The following C3orf70 variants were observed in gnomAD, a reference collection of about 807,000 sequenced individuals.
The protein encoded by C3orf70 is UPF0524 protein C3orf70.
A neutral mutation model predicts 20.7 loss-of-function variants in C3orf70; 15 were observed. The ratio of observed to expected loss-of-function variants is 0.72; its 90% CI spans 0.48 to 1.11. The LOEUF is 1.11. C3orf70 is among the 50% of genes most tolerant of loss of function. The probability of loss-of-function intolerance (pLI) is 0.00; values close to 1 mark genes in which losing one functional copy is unlikely to be tolerated. For missense variants in C3orf70, 332 were observed against 317.6 expected, an observed-to-expected ratio of 1.05 and a Z score of -0.34; for synonymous variants, 161 against 125.7, an observed-to-expected ratio of 1.28 and a Z score of -1.88.
chr3:185,125,427 AAC>A (rs1716390256), intron 1 of C3orf70, among the ~76,000 whole-genome samples: 3 of 134,164 alleles, frequency 2.2e-5, no homozygotes, highest in Non-Finnish European at 3.4e-5. Flanking sequence ...CAACAACAAC[AAC>A]AAAAACCAGT....
chr3:185,114,977 C>T (rs750065555), intron 1 of C3orf70, among the ~76,000 whole-genome samples: 49 of 152,332 alleles, frequency 3.2e-4, no homozygotes, highest in Admixed American at 6.5e-4. Flanking sequence ...TTCACTCAAA[C>T]GCTCTGGTTT....
At chr3:185,148,371 T>C (rs1403400065) in intron 1 of C3orf70, among the ~76,000 whole-genome samples, 1 of 152,224 alleles carries the variant, frequency 6.6e-6, no homozygotes, top group Non-Finnish European at 1.5e-5. Context: ...TGTTAGTGAA[T>C]GGCACCACCA....
At chr3:185,125,759 A>G (rs1415233985) in intron 1 of C3orf70, among the ~76,000 whole-genome samples, 10 of 152,234 alleles carry the variant, frequency 6.6e-5, no homozygotes, top group Non-Finnish European at 1.3e-4. Context: ...GATTCCATTT[A>G]TATAACATCC....
At chr3:185,146,351 G>T (rs35841237) in intron 1 of C3orf70, among the ~76,000 whole-genome samples, 2 of 134,370 alleles carry the variant, frequency 1.5e-5, no homozygotes, top group Non-Finnish European at 3.0e-5. Context: ...GCAATGGCGC[G>T]ATCTTGGCTC....
chr3:185,124,853 T>C (rs1157279529), intron 1 of C3orf70, among the ~76,000 whole-genome samples: 3 of 152,048 alleles, frequency 2.0e-5, no homozygotes, highest in African/African-American at 4.8e-5. Flanking sequence ...GAGCAAACAA[T>C]TTGAACAGAT....
chr3:185,107,173 C>T (rs893283179), intron 1 of C3orf70, among the ~76,000 whole-genome samples: 7 of 152,182 alleles, frequency 4.6e-5, no homozygotes, highest in African/African-American at 1.7e-4. Flanking sequence ...TGGCCGTCCA[C>T]GTGGCCAATT....
chr3:185,090,954 A>T (rs1330138124), intron 1 of C3orf70, among the ~76,000 whole-genome samples: 2 of 152,166 alleles, frequency 1.3e-5, no homozygotes, highest in East Asian at 3.9e-4. Context: ...GTGTGGCGGA[A>T]CATATTGTAA....
chr3:185,083,012 C>T lies in C3orf70; in HGVS notation c.748G>A (p.Val250Met), dbSNP rs1293998693. ...GTGGCTTCCTGTCTGGACTCTCACA[C>T]AGTCGTTTCTATCGTTTCAATCACT... ...LEVIETIETT[V>M] is the part of the protein sequence containing the mutation. Residue 250 changes from valine to methionine, a missense_variant, in exon 2 of 2, where the codon GTG becomes ATG. Val to Met is a conservative substitution (Grantham distance 21). Coordinates refer to ENST00000335012, the MANE Select transcript of C3orf70 (RefSeq NM_001025266.3). The T allele has an allele frequency of 1.9e-6, 3 of 1,612,922 alleles. No homozygotes were observed. The highest frequency in any genetic ancestry group is 1.3e-5 in the African/African-American group (1 of 74,888).
At position 185,092,629 on chromosome 3, in the gene C3orf70, A is replaced by G. The variant is rs569275173; in HGVS notation, c.197-9066T>C. On this transcript the variant is annotated intron_variant, in intron 1 of 1. Transcript: ENST00000335012. ...CATACTTCAAATCTCACATGAAAAG[A>G]TATAAATGATTAAAACCAATAAAAG... Among the ~76,000 whole-genome samples the G allele has an allele frequency of 9.2e-5, 14 of 152,366 alleles. 1 individual carries two copies. Among genetic ancestry groups the G allele is most frequent in the African/African-American group, 3.4e-4 (14 of 41,584 alleles).
Position 185,137,280 on chromosome 3 carries a change from G to C in C3orf70, c.196+15348C>G, listed in dbSNP as rs548547163. Among the ~76,000 whole-genome samples the C allele has an allele frequency of 3.9e-5, 6 of 152,314 alleles. No individual in the cohort carries two copies. The South Asian group carries it at 1.2e-3, about 32-fold the overall frequency. On this transcript the variant is annotated intron_variant, in intron 1 of 1. Coordinates refer to ENST00000335012, the MANE Select transcript of C3orf70 (RefSeq NM_001025266.3). ...TGAGGCTTCCCAGCCACATGGAACT[G>C]TACATCCCATTAAACCTCTTTCTTT... is the stretch of plus-strand genomic sequence containing the variant.
intron 1 of C3orf70, among the ~76,000 whole-genome samples, chr3:185,122,338 G>A (rs114987060): frequency 2.0e-3 from 301 of 152,222 alleles, no homozygotes; most frequent in African/African-American, 7.1e-3. Context: ...CTCCATATCC[G>A]TGGGTTCTGT....
At chr3:185,135,385 C>G (rs972593726) in intron 1 of C3orf70, among the ~76,000 whole-genome samples, 5 of 152,164 alleles carry the variant, frequency 3.3e-5, no homozygotes, top group African/African-American at 1.2e-4. Context: ...TTTTGGGAGG[C>G]TGAGGCAGGC....
chr3:185,151,426 G>C lies in C3orf70; in HGVS notation c.196+1202C>G, dbSNP rs115682471. Among the ~76,000 whole-genome samples, 505 of 152,216 alleles carry C rather than the reference G, an allele frequency of 3.3e-3. 2 individuals are homozygous for C. Among genetic ancestry groups the C allele is most frequent in the African/African-American group, 0.012 (493 of 41,496 alleles). On this transcript the variant is annotated intron_variant, in intron 1 of 1. Coordinates refer to ENST00000335012, the MANE Select transcript of C3orf70 (RefSeq NM_001025266.3). ...ACTCGGTACCCTGTCCCACCGTGAAGCAATGCTTTATACTAACAAAAGAGA... is the reference window on the plus strand; with the variant it reads ...ACTCGGTACCCTGTCCCACCGTGAACCAATGCTTTATACTAACAAAAGAGA...
intron 1 of C3orf70, among the ~76,000 whole-genome samples, chr3:185,142,204 A>T (rs1294299071): frequency 6.6e-5 from 10 of 152,214 alleles, no homozygotes. Flanking sequence ...TCATGCCTGT[A>T]ATCCCTGCAC....
At position 185,146,345 on chromosome 3, in the gene C3orf70, T is replaced by C. The variant is rs1008012281; in HGVS notation, c.196+6283A>G. ...TCTTGTTGCCCAGGCTGGAGTGCAA[T>C]GGCGCGATCTTGGCTCGCTGCAACC... On this transcript the variant is annotated intron_variant, in intron 1 of 1. Coordinates refer to ENST00000335012, the MANE Select transcript of C3orf70 (RefSeq NM_001025266.3). 1.1e-3 allele frequency among the ~76,000 whole-genome samples: 145 copies of C among 133,382 alleles called. 1 individual carries two copies. Among genetic ancestry groups the C allele is most frequent in the South Asian group, 7.6e-4 (3 of 3,950 alleles). The allele number at this position is 133,382 out of a possible 152,430, so 87.5% of individuals were successfully genotyped here. A position where few individuals can be genotyped will look rare whatever the true frequency, so the allele number is the denominator to read the frequency against.
intron 1 of C3orf70, among the ~76,000 whole-genome samples, chr3:185,109,589 G>A (rs184876611): frequency 2.0e-5 from 3 of 152,182 alleles, no homozygotes; most frequent in African/African-American, 7.2e-5. Context: ...AGGAAAGGGG[G>A]ACAGTCAGTC....
At chr3:185,094,073 G>GTTTT (rs1402291285) in intron 1 of C3orf70, among the ~76,000 whole-genome samples, 4 of 112,828 alleles carry the variant, frequency 3.5e-5, no homozygotes, top group Admixed American at 1.1e-4. Flanking sequence ...TATACCCTGG[G>GTTTT]GTTTTTTTTT....
At chr3:185,107,361 C>A (rs1177258170) in intron 1 of C3orf70, among the ~76,000 whole-genome samples, 2 of 152,160 alleles carry the variant, frequency 1.3e-5, no homozygotes, top group East Asian at 3.9e-4. Flanking sequence ...AGCACAAGTT[C>A]TAATTCCAGA....
intron 1 of C3orf70, among the ~76,000 whole-genome samples, chr3:185,091,779 G>T (rs1482396271): frequency 6.7e-6 from 1 of 148,818 alleles, no homozygotes; most frequent in Non-Finnish European, 1.5e-5. Flanking sequence ...CCGCCTCCCA[G>T]GTTCAAGCAA....
Sources: gnomAD v4.1 joint callset for allele counts (sites outside exome capture counted in the v4.1 genomes callset) on GRCh38, gnomAD v4.1.1 for gene constraint, MANE v1.5 for transcripts, NCBI Gene and HGNC (gene_info 2026-07-23, HGNC 2026-07-21) for gene names.